Variants in GAS7 observed in about 807,000 individuals in gnomAD.
The protein encoded by GAS7 is growth arrest-specific protein 7.
Under a neutral mutation model 71.1 loss-of-function variants are expected in GAS7, and 28 were observed. The ratio of observed to expected loss-of-function variants is 0.39; its 90% CI spans 0.29 to 0.54. The LOEUF is 0.54. GAS7 is among the 20% of genes least tolerant of loss of function. The pLI, the probability that GAS7 is intolerant of heterozygous loss-of-function variation, is 0.62. For missense variants in GAS7, 436 were observed against 627.8 expected, an observed-to-expected ratio of 0.69 and a Z score of 3.27; for synonymous variants, 258 against 245.8, an observed-to-expected ratio of 1.05 and a Z score of -0.46.
At chr17:10,033,141 T>A (rs997507051) in intron 1 of GAS7, among the ~76,000 whole-genome samples, 18 of 152,202 alleles carry the variant, frequency 1.2e-4, no homozygotes, top group Non-Finnish European at 2.4e-4. Flanking sequence ...CTAGTTGATA[T>A]CTATAACGAT....
At chr17:10,024,241 C>T (rs1420833343) in intron 1 of GAS7, among the ~76,000 whole-genome samples, 2 of 152,236 alleles carry the variant, frequency 1.3e-5, no homozygotes, top group Non-Finnish European at 2.9e-5. Context: ...AGCATTACCT[C>T]ACCCTTCATG....
intron 2 of GAS7, among the ~76,000 whole-genome samples, chr17:9,987,516 G>A (rs1020753921): frequency 4.6e-5 from 7 of 152,240 alleles, no homozygotes; most frequent in African/African-American, 1.7e-4. Context: ...GCTGGGCACA[G>A]TGGCACACGC....
At chr17:10,078,779 C>T (rs1459853268) in intron 1 of GAS7, among the ~76,000 whole-genome samples, 1 of 152,162 alleles carries the variant, frequency 6.6e-6, no homozygotes, top group East Asian at 1.9e-4. Context: ...CCAGGTGCAG[C>T]AGCTCATGCC....
At chr17:10,078,969 G>A (rs2073426768) in intron 1 of GAS7, among the ~76,000 whole-genome samples, 2 of 152,136 alleles carry the variant, frequency 1.3e-5, no homozygotes, top group African/African-American at 2.4e-5. Context: ...TGGGAAGATC[G>A]CTTGAGCAGA....
chr17:10,045,001 A>T (rs1475893677), intron 1 of GAS7, among the ~76,000 whole-genome samples: 1 of 146,976 alleles, frequency 6.8e-6, no homozygotes, highest in Admixed American at 7.0e-5. Context: ...AGATCGTGCC[A>T]CTGCACTCCA....
chr17:10,018,917 C>T (rs2072150859), intron 2 of GAS7, among the ~76,000 whole-genome samples: 1 of 152,146 alleles, frequency 6.6e-6, no homozygotes, highest in African/African-American at 2.4e-5. Context: ...TCTAACTTTC[C>T]TTGGTTTAAA....
intron 4 of GAS7, among the ~76,000 whole-genome samples, chr17:9,964,994 G>T (rs1387364371): frequency 1.3e-5 from 2 of 152,106 alleles, no homozygotes; most frequent in African/African-American, 4.8e-5. Context: ...TGTCTAGAGG[G>T]TCTTCCTGGG....
intron 1 of GAS7, among the ~76,000 whole-genome samples, chr17:10,071,980 T>C (rs56685484): frequency 0.29 from 43,228 of 150,574 alleles, 6,626 homozygotes; most frequent in Non-Finnish European, 0.32. Context: ...AAAGATTCAG[T>C]TGTCTCTTGA....
chr17:9,977,457 G>GT (rs1235300128), intron 3 of GAS7, among the ~76,000 whole-genome samples: 1 of 152,114 alleles, frequency 6.6e-6, no homozygotes, highest in African/African-American at 2.4e-5. Flanking sequence ...CTACAAATCA[G>GT]TATTTCCACA....
At chr17:10,077,726 A>C (rs2073410617) in intron 1 of GAS7, among the ~76,000 whole-genome samples, 1 of 152,226 alleles carries the variant, frequency 6.6e-6, no homozygotes, top group Non-Finnish European at 1.5e-5. Context: ...CAGGGCAATG[A>C]GGCAACTTGT....
At chr17:10,120,961 T>A (rs1429876405) in intron 1 of GAS7, among the ~76,000 whole-genome samples, 1 of 152,156 alleles carries the variant, frequency 6.6e-6, no homozygotes, top group Non-Finnish European at 1.5e-5. Context: ...AACCCCAAGG[T>A]GGGCACGCAG....
At chr17:9,928,362 T>C (rs1015284981) in intron 9 of GAS7, among the ~76,000 whole-genome samples, 1 of 151,718 alleles carries the variant, frequency 6.6e-6, no homozygotes, top group African/African-American at 2.4e-5. Context: ...GACCTCGTGA[T>C]CCGCCCGCCT....
intron 1 of GAS7, among the ~76,000 whole-genome samples, chr17:10,043,326 G>A (rs771232420): frequency 6.6e-6 from 1 of 152,124 alleles, no homozygotes. Flanking sequence ...GGGAATGAAC[G>A]ATGTGAGTTC....
At position 9,919,969 on chromosome 17, in the gene GAS7, T is replaced by TTATG. The variant is rs762410053; in HGVS notation, c.1139-265_1139-264insCATA. Among the ~76,000 whole-genome samples the TTATG allele has an allele frequency of 3.8e-5, 5 of 131,498 alleles. 1 individual carries two copies. In the East Asian group the frequency reaches 7.1e-4, roughly 19 times the overall value. The allele number at this position is 131,498 out of a possible 152,430, so 86.3% of individuals were successfully genotyped here. On this transcript the variant is annotated intron_variant, in intron 11 of 13. Transcript: ENST00000432992. The surrounding 1 kb of genome is among the most constrained non-coding windows in gnomAD (Gnocchi z 5.0). ...AGGATTCAGGATGGTGGTTCTCATTTTGTGTGTGTGTGTGTGTGTGTGTGT... is the reference window on the plus strand; with the variant it reads ...AGGATTCAGGATGGTGGTTCTCATTTTATGTGTGTGTGTGTGTGTGTGTGTGTGT...
chr17:10,012,585 C>A (rs1322932357), intron 2 of GAS7, among the ~76,000 whole-genome samples: 1 of 152,164 alleles, frequency 6.6e-6, no homozygotes, highest in Non-Finnish European at 1.5e-5. Flanking sequence ...CCACACCCAG[C>A]CGACCTTTCA....
At chr17:9,935,559 G>T (rs1409147595) in intron 8 of GAS7, among the ~76,000 whole-genome samples, 1 of 152,228 alleles carries the variant, frequency 6.6e-6, no homozygotes, top group East Asian at 1.9e-4. Context: ...CTGAATAAAA[G>T]ACAGCATGTG....
At chr17:10,086,029 C>A (rs1303454235) in intron 1 of GAS7, among the ~76,000 whole-genome samples, 2 of 152,156 alleles carry the variant, frequency 1.3e-5, no homozygotes, top group Admixed American at 1.3e-4. Flanking sequence ...ATGTTGGCTG[C>A]ACCTACAACA....
intron 3 of GAS7, among the ~76,000 whole-genome samples, chr17:9,973,006 C>G (rs530314274): frequency 6.6e-6 from 1 of 152,084 alleles, no homozygotes; most frequent in Non-Finnish European, 1.5e-5. Flanking sequence ...AACTTAAGAT[C>G]TGGGGAAAAA....
chr17:10,189,412 G>A (rs1000978139), intron 1 of GAS7, among the ~76,000 whole-genome samples: 1 of 152,052 alleles, frequency 6.6e-6, no homozygotes, highest in Non-Finnish European at 1.5e-5. Context: ...GAACGCATCC[G>A]AAGATGCCAC....
Sources: allele counts gnomAD v4.1 joint callset (sites outside exome capture counted in the v4.1 genomes callset), GRCh38; gene constraint gnomAD v4.1.1; non-coding constraint Gnocchi (gnomAD v3.1); transcripts MANE v1.5; gene names NCBI Gene and HGNC (gene_info 2026-07-23, HGNC 2026-07-21).